The following RASEF variants were observed in gnomAD, a reference collection of about 807,000 sequenced individuals.
RASEF encodes the protein RAS and EF-hand domain containing, also known as ras and EF-hand domain-containing protein.
Under a neutral mutation model 90.1 loss-of-function variants are expected in RASEF, and 68 were observed. The observed-to-expected ratio is 0.75, with a 90% CI of 0.62 to 0.92. RASEF has a LOEUF of 0.92. Among genes scored for constraint, RASEF ranks in the 40% least tolerant of loss-of-function variants. RASEF has a pLI of 0.00. For synonymous variants in RASEF, 331 were observed against 345.2 expected (o/e 0.96, Z 0.46); for missense variants, 949 against 937.2 (o/e 1.01, Z -0.16).
intron 1 of RASEF, chr9:83,054,728 A>G (rs1250652675): frequency 8.6e-5 from 12 of 138,830 alleles, no homozygotes; most frequent in African/African-American, 2.8e-4. Context: ...TTTTCGGTGT[A>G]GATGTCCTTT....
At chr9:83,197,579 A>G in the RASEF span, among the ~76,000 whole-genome samples, 1 of 152,180 alleles carries the variant, frequency 6.6e-6, no homozygotes, top group Non-Finnish European at 1.5e-5. Context: ...GTTCTGTAAT[A>G]AGAAATCTTG....
the RASEF span, among the ~76,000 whole-genome samples, chr9:83,215,130 A>G: frequency 6.6e-6 from 1 of 151,788 alleles, no homozygotes; most frequent in Non-Finnish European, 1.5e-5. Context: ...GAGTTAGGCC[A>G]CTGGACAGCC....
At chr9:83,089,760 C>G in the RASEF span, among the ~76,000 whole-genome samples, 1 of 152,090 alleles carries the variant, frequency 6.6e-6, no homozygotes, top group Non-Finnish European at 1.5e-5. Flanking sequence ...TCTGAGTGTA[C>G]CCTACTCGAA....
chr9:83,053,735 G>A (rs1830059044), intron 1 of RASEF, among the ~76,000 whole-genome samples: 1 of 146,674 alleles, frequency 6.8e-6, no homozygotes, highest in East Asian at 2.0e-4. Flanking sequence ...TTTAGGGCAG[G>A]CCTGGTGGTG....
intron 7 of RASEF, among the ~76,000 whole-genome samples, chr9:83,005,908 C>A (rs540027685): frequency 1.1e-4 from 16 of 152,352 alleles, no homozygotes; most frequent in African/African-American, 3.6e-4. Flanking sequence ...CCTGGCAGCT[C>A]CTGCATTCTA....
At chr9:83,164,991 C>G in the RASEF span, among the ~76,000 whole-genome samples, 1 of 151,630 alleles carries the variant, frequency 6.6e-6, no homozygotes, top group Non-Finnish European at 1.5e-5. Flanking sequence ...ATCAGAGAAT[C>G]AAAATACATA....
At chr9:83,139,777 C>A in the RASEF span, among the ~76,000 whole-genome samples, 1 of 152,124 alleles carries the variant, frequency 6.6e-6, no homozygotes, top group African/African-American at 2.4e-5. Context: ...TGCTAAAAAT[C>A]TTAAGGGTCA....
chr9:83,166,958 G>A, the RASEF span, among the ~76,000 whole-genome samples: 7 of 152,168 alleles, frequency 4.6e-5, no homozygotes, highest in African/African-American at 1.7e-4. Flanking sequence ...TTAAGGGTAT[G>A]GGTTTAAAAG....
intron 14 of RASEF, among the ~76,000 whole-genome samples, chr9:82,994,855 G>A (rs1040505589): frequency 6.6e-6 from 1 of 151,610 alleles, no homozygotes; most frequent in African/African-American, 2.4e-5. Flanking sequence ...AATTCAGAGG[G>A]TCTGTTCACC....
chr9:83,161,428 C>A, the RASEF span, among the ~76,000 whole-genome samples: 1 of 152,244 alleles, frequency 6.6e-6, no homozygotes, highest in Admixed American at 6.5e-5. Context: ...AGCCCCTTTC[C>A]CCCTTTCTTT....
At chr9:83,098,644 A>T in the RASEF span, among the ~76,000 whole-genome samples, 10 of 152,222 alleles carry the variant, frequency 6.6e-5, no homozygotes, top group African/African-American at 1.7e-4. Context: ...AAACAGGTTT[A>T]ATTGACTCAC....
At chr9:83,195,791 C>T in the RASEF span, among the ~76,000 whole-genome samples, 1 of 151,952 alleles carries the variant, frequency 6.6e-6, no homozygotes, top group African/African-American at 2.4e-5. Flanking sequence ...CTCTGAGGGA[C>T]ACTGGAAGCC....
chr9:83,006,435 A>G (rs1264213549), intron 7 of RASEF, among the ~76,000 whole-genome samples: 1 of 152,210 alleles, frequency 6.6e-6, no homozygotes, highest in African/African-American at 2.4e-5. Flanking sequence ...AAATAAAATA[A>G]CTTGAAGGAT....
chr9:83,059,930 T>C (rs1830176383), intron 1 of RASEF, among the ~76,000 whole-genome samples: 1 of 152,172 alleles, frequency 6.6e-6, no homozygotes, highest in Admixed American at 6.5e-5. Context: ...TTTCATCCCT[T>C]CATGATGCAA....
chr9:83,203,148 T>C, the RASEF span, among the ~76,000 whole-genome samples: 1 of 152,218 alleles, frequency 6.6e-6, no homozygotes, highest in Non-Finnish European at 1.5e-5. Flanking sequence ...TTAGTGTGGG[T>C]TCCTACAAAA....
chr9:83,114,023 C>A, the RASEF span, among the ~76,000 whole-genome samples: 1 of 152,110 alleles, frequency 6.6e-6, no homozygotes, highest in African/African-American at 2.4e-5. Context: ...CCCCTAGAGA[C>A]CCAGCTGTAA....
At chr9:83,064,414 AGTT>A (rs1361564945), upstream of RASEF, among the ~76,000 whole-genome samples, 31 of 152,320 alleles carry the variant, frequency 2.0e-4, no homozygotes, top group African/African-American at 7.0e-4. Context: ...GTGCAATGTA[AGTT>A]GTTATTGATT....
rs997894958 is a variant in RASEF, at chr9:82,980,210, T to C, written c.*2467A>G. The C allele has an allele frequency of 8.0e-6, 1 of 125,054 alleles. No individual in the cohort carries two copies. Among genetic ancestry groups the C allele is most frequent in the Non-Finnish European group, 1.7e-5 (1 of 58,522 alleles). 7.7% of individuals were successfully genotyped at this position (125,054 alleles called of 1,614,324 possible). A position where few individuals can be genotyped will look rare whatever the true frequency, so the allele number is the denominator to read the frequency against. Reference sequence around the variant, plus strand: ...AAGGTGAATAACTTCCATAGTAATATGCAAATGTATCAAGTCTAAGATAAA... The same window carrying C: ...AAGGTGAATAACTTCCATAGTAATACGCAAATGTATCAAGTCTAAGATAAA... On this transcript the variant is annotated 3_prime_UTR_variant, in exon 17 of 17. Transcript: ENST00000376447.
chr9:83,007,320 C>T, intron 7 of RASEF, 117 bp downstream of exon 7: 1 of 784,464 alleles, frequency 1.3e-6, no homozygotes, highest in South Asian at 1.5e-5. Flanking sequence ...GAAACACCCA[C>T]TGACCTGCAA....
Sources: gnomAD v4.1 joint callset for allele counts (sites outside exome capture counted in the v4.1 genomes callset) on GRCh38, gnomAD v4.1.1 for gene constraint, MANE v1.5 for transcripts, NCBI Gene and HGNC (gene_info 2026-07-23, HGNC 2026-07-21) for gene names.